The following FANK1 variants were observed in gnomAD, a reference collection of about 807,000 sequenced individuals.
The protein encoded by FANK1 is fibronectin type 3 and ankyrin repeat domains protein 1.
A neutral mutation model predicts 45.3 loss-of-function variants in FANK1; 44 were observed. The ratio of observed to expected loss-of-function variants is 0.97; its 90% CI spans 0.76 to 1.25. The LOEUF (loss-of-function observed/expected upper bound fraction) is 1.25. Ranked by LOEUF, FANK1 falls within the 50% of genes most tolerant of loss-of-function variation. The pLI is 0.00. For synonymous variants in FANK1, 149 were observed against 152.5 expected (o/e 0.98, Z 0.17); for missense variants, 391 against 424.4 (o/e 0.92, Z 0.69).
intron 7 of FANK1, 93 bp from the exon 8 acceptor site, chr10:126,008,314 G>A: frequency 6.9e-7 from 1 of 1,448,638 alleles, no homozygotes; most frequent in Non-Finnish European, 9.2e-7. Flanking sequence ...TCTAAGTCCG[G>A]GTGTTGGGGC....
chr10:125,914,123 T>C lies in FANK1; in HGVS notation c.13+17468T>C, dbSNP rs151270485. On this transcript the variant is annotated intron_variant, in intron 1 of 10. Coordinates refer to ENST00000368693, the MANE Select transcript of FANK1 (RefSeq NM_145235.5). Reference sequence around the variant, plus strand: ...AACTTTCTAAGTACTCATTACAGTATGAAACCCTGCCCGCCTCCCAGACAA... The same window carrying C: ...AACTTTCTAAGTACTCATTACAGTACGAAACCCTGCCCGCCTCCCAGACAA... Among the ~76,000 whole-genome samples the C allele has an allele frequency of 4.5e-3, 690 of 152,216 alleles. 3 individuals carry two copies. The highest frequency in any genetic ancestry group is 0.015 in the African/African-American group (636 of 41,522).
At chr10:125,968,831 C>T (rs1240279245) in intron 1 of FANK1, among the ~76,000 whole-genome samples, 2 of 152,070 alleles carry the variant, frequency 1.3e-5, no homozygotes, top group Admixed American at 1.3e-4. Flanking sequence ...GTGAGTGATA[C>T]CTTTTTACTA....
intron 1 of FANK1, among the ~76,000 whole-genome samples, chr10:125,915,926 ATTAAC>A (rs1297191879): frequency 6.6e-6 from 1 of 152,230 alleles, no homozygotes; most frequent in Non-Finnish European, 1.5e-5. Context: ...TGCTGTCTAT[ATTAAC>A]TTGACAGTTT....
At chr10:125,904,199 T>C (rs1272152971) in intron 1 of FANK1, among the ~76,000 whole-genome samples, 7 of 149,318 alleles carry the variant, frequency 4.7e-5, no homozygotes, top group Non-Finnish European at 1.0e-4. Context: ...AAGTCAATCA[T>C]TTTTTTAAAA....
chr10:125,899,185 C>A (rs1205241734), intron 1 of FANK1, among the ~76,000 whole-genome samples: 1 of 152,246 alleles, frequency 6.6e-6, no homozygotes, highest in African/African-American at 2.4e-5. Flanking sequence ...CTCAGCCTCC[C>A]AAGTAGCTGG....
intron 8 of FANK1, 111 bp from the exon 9 acceptor site, chr10:126,008,943 T>TG: frequency 1.0e-6 from 1 of 965,524 alleles, no homozygotes; most frequent in Non-Finnish European, 1.6e-6. Context: ...AGTGGTCTTT[T>TG]GGGGTTGCAG....
intron 1 of FANK1, among the ~76,000 whole-genome samples, chr10:125,971,160 T>G (rs1359591833): frequency 1.3e-5 from 2 of 152,218 alleles, no homozygotes; most frequent in Non-Finnish European, 2.9e-5. Context: ...TGAGCTATCT[T>G]GCTAATTGTT....
intron 7 of FANK1, 96 bp from the exon 8 acceptor site, chr10:126,008,311 C>G (rs539461235): frequency 6.9e-7 from 1 of 1,440,278 alleles, no homozygotes; most frequent in African/African-American, 1.4e-5. Flanking sequence ...CTATCTAAGT[C>G]CGGGTGTTGG....
In FANK1 at chr10:125,988,894, C is replaced by T. The variant is rs1011286387; in HGVS notation, c.316+219C>T. The T allele has an allele frequency of 5.7e-6, 4 of 705,700 alleles. No homozygotes were observed. The African/African-American group carries it at 7.0e-5, about 12-fold the overall frequency. 43.7% of individuals were successfully genotyped at this position (705,700 alleles called of 1,614,324 possible). A position where few individuals can be genotyped will look rare whatever the true frequency, so the allele number is the denominator to read the frequency against. On this transcript the variant is annotated intron_variant, in intron 3 of 10. Transcript: ENST00000368693. ...CAAACTGGGAGAGCTATTTTTGTGC[C>T]AGAACTGTCCTGTTAGTAGCCATTC...
At chr10:125,977,637 T>A (rs1201938159) in intron 1 of FANK1, among the ~76,000 whole-genome samples, 1 of 151,930 alleles carries the variant, frequency 6.6e-6, no homozygotes, top group Non-Finnish European at 1.5e-5. Flanking sequence ...TTAGCAGGGG[T>A]TGTGGCCGGG....
At chr10:125,977,442 G>A (rs1003766871) in intron 1 of FANK1, among the ~76,000 whole-genome samples, 27 of 152,098 alleles carry the variant, frequency 1.8e-4, no homozygotes, top group Admixed American at 6.6e-5. Flanking sequence ...CTCTTGTTTG[G>A]TTGCGTGGCT....
At chr10:126,000,488 T>C (rs1952676289) in intron 6 of FANK1, among the ~76,000 whole-genome samples, 1 of 152,084 alleles carries the variant, frequency 6.6e-6, no homozygotes. Context: ...ACATAAACCA[T>C]TGAGGAAGGT....
intron 1 of FANK1, among the ~76,000 whole-genome samples, chr10:125,954,628 T>A (rs1349583550): frequency 6.6e-6 from 1 of 151,986 alleles, no homozygotes; most frequent in Admixed American, 6.6e-5. Flanking sequence ...TTTAAAAAAA[T>A]AGAGAAAGGG....
At position 126,008,459 on chromosome 10, in the gene FANK1, C is replaced by T. The variant is rs370689389; in HGVS notation, c.758C>T (p.Ala253Val). The change falls in exon 8 of 11, where the codon GCG (alanine) becomes GTG (valine). Residue 253 changes from alanine (A) to valine (V), a missense_variant. Physicochemically the swap from Ala to Val is moderately conservative, Grantham distance 64. Coordinates refer to ENST00000368693, the MANE Select transcript of FANK1 (RefSeq NM_145235.5). ...TGGACCCCACTCATGAGAGTCTCTG[C>T]GGTGTCGGGAAATCAGAGGGTGGCC... is the stretch of plus-strand genomic sequence containing the variant. ...SGWTPLMRVS[A>V]VSGNQRVASL... 3.5e-5 allele frequency: 56 copies of T among 1,613,134 alleles called. No individual in the cohort carries two copies. The highest frequency in any genetic ancestry group is 1.6e-4 in the Middle Eastern group (1 of 6,080).
intron 1 of FANK1, among the ~76,000 whole-genome samples, chr10:125,933,277 T>C (rs1320188598): frequency 1.3e-5 from 2 of 152,182 alleles, no homozygotes; most frequent in Non-Finnish European, 2.9e-5. Flanking sequence ...TTTTTTTTTG[T>C]TGGTAATTTT....
chr10:125,959,284 G>A (rs1949770090), intron 1 of FANK1, among the ~76,000 whole-genome samples: 1 of 151,892 alleles, frequency 6.6e-6, no homozygotes, highest in East Asian at 1.9e-4. Flanking sequence ...GCATGTACCT[G>A]TAATCACATA....
chr10:125,938,143 T>C (rs113541880), intron 1 of FANK1, among the ~76,000 whole-genome samples: 2,714 of 152,338 alleles, frequency 0.018, 83 homozygotes, highest in African/African-American at 0.062. Context: ...CTATTTTGTA[T>C]GTATTCTGGG....
chr10:125,984,580 G>A (rs991398190), intron 2 of FANK1, among the ~76,000 whole-genome samples: 4 of 152,156 alleles, frequency 2.6e-5, no homozygotes, highest in African/African-American at 9.7e-5. Flanking sequence ...AGATGTCAGG[G>A]AGGGTGTTGG....
intron 6 of FANK1, among the ~76,000 whole-genome samples, chr10:125,998,845 A>G (rs1476717580): frequency 6.6e-6 from 1 of 152,188 alleles, no homozygotes; most frequent in Non-Finnish European, 1.5e-5. Flanking sequence ...TTTAAAAATT[A>G]CCTCCAATGT....
Sources: gnomAD v4.1 joint callset for allele counts (sites outside exome capture counted in the v4.1 genomes callset) on GRCh38, gnomAD v4.1.1 for gene constraint, MANE v1.5 for transcripts, NCBI Gene and HGNC (gene_info 2026-07-23, HGNC 2026-07-21) for gene names.